Variants in BCL11A observed in about 807,000 individuals in gnomAD.
The protein encoded by BCL11A is BCL11 transcription factor A.
A neutral mutation model predicts 55.9 loss-of-function variants in BCL11A; 2 were observed. The ratio of observed to expected loss-of-function variants is 0.04; its 90% CI spans 0.01 to 0.11. The LOEUF (loss-of-function observed/expected upper bound fraction) is 0.11. BCL11A is among the 10% of genes least tolerant of loss of function. BCL11A has a pLI of 1.00. For missense variants in BCL11A, 817 were observed against 1,137.1 expected (o/e 0.72, Z 4.05); for synonymous variants, 465 against 473.4 (o/e 0.98, Z 0.23).
intron 2 of BCL11A, among the ~76,000 whole-genome samples, chr2:60,509,667 CA>C (rs1207257810): frequency 2.6e-5 from 4 of 152,092 alleles, no homozygotes; most frequent in Non-Finnish European, 4.4e-5. Context: ...GGAAAAAGAA[CA>C]AAAAGATTAG....
intron 1 of BCL11A, among the ~76,000 whole-genome samples, chr2:60,550,119 T>A (rs1670336831): frequency 6.6e-6 from 1 of 152,008 alleles, no homozygotes; most frequent in Non-Finnish European, 1.5e-5. Flanking sequence ...GGAGACCAAG[T>A]GCAAACTTGC....
Position 60,461,196 on chromosome 2 carries a change from G to T in BCL11A, c.1716C>A (p.Arg572=), listed in dbSNP as rs114252508. The T allele has an allele frequency of 6.2e-7, 1 of 1,612,390 alleles. No homozygotes were observed. ...GGCCCTCGGCCTCGGCCAGGTGGCCGCGCTTATGCTTCTCGCCCAGGACCT... is the reference window on the plus strand; with the variant it reads ...GGCCCTCGGCCTCGGCCAGGTGGCCTCGCTTATGCTTCTCGCCCAGGACCT... ...FHQVLGEKHK[R]GHLAEAEGHR... is the part of the protein sequence containing the mutation. Residue 572 remains arginine, a synonymous_variant, in exon 4 of 4, where the codon CGC becomes CGA. Coordinates refer to ENST00000642384, the MANE Select transcript of BCL11A (RefSeq NM_022893.4).
At chr2:60,518,490 A>T (rs1043254718) in intron 2 of BCL11A, among the ~76,000 whole-genome samples, 2 of 152,210 alleles carry the variant, frequency 1.3e-5, no homozygotes, top group African/African-American at 4.8e-5. Context: ...ATATGAATAA[A>T]GAGTGAGCAG....
At chr2:60,498,320 C>T (rs1380639776) in intron 2 of BCL11A, among the ~76,000 whole-genome samples, 2 of 151,926 alleles carry the variant, frequency 1.3e-5, no homozygotes, top group East Asian at 1.9e-4. Flanking sequence ...CCTTGGGGAC[C>T]GCTCACAGGA....
chr2:60,535,179 A>T (rs1413930192), intron 2 of BCL11A: 1 of 152,292 alleles, frequency 6.6e-6, no homozygotes, highest in Non-Finnish European at 1.5e-5. Flanking sequence ...AAAGCAATTT[A>T]GCCTTTGAAG....
Position 60,553,329 on chromosome 2 carries a change from C to G in BCL11A, c.-59G>C. On this transcript the variant is annotated 5_prime_UTR_variant, in exon 1 of 4. Transcript: ENST00000642384. ...CGGCGGCGGCGGGCGGACGACGGCT[C>G]GGTTCACATCGGGAGAGCCGGGTTA... 1 of 1,497,332 alleles carries G rather than the reference C, an allele frequency of 6.7e-7. No individual in the cohort carries two copies. Among genetic ancestry groups the G allele is most frequent in the Middle Eastern group, 2.0e-4 (1 of 4,904 alleles). The allele number at this position is 1,497,332 out of a possible 1,614,324, so 92.8% of individuals were successfully genotyped here. A position where few individuals can be genotyped will look rare whatever the true frequency, so the allele number is the denominator to read the frequency against.
At chr2:60,507,790 G>A (rs1379038067) in intron 2 of BCL11A, among the ~76,000 whole-genome samples, 1 of 152,092 alleles carries the variant, frequency 6.6e-6, no homozygotes, top group African/African-American at 2.4e-5. Flanking sequence ...GGGGAGAAGG[G>A]AAGAAGTAAA....
At chr2:60,538,650 T>C (rs1237494787) in intron 2 of BCL11A, 3 of 152,056 alleles carry the variant, frequency 2.0e-5, no homozygotes, top group Non-Finnish European at 2.9e-5. Context: ...CAGTTGAAAG[T>C]TGTTTTTTAA....
In BCL11A at chr2:60,457,657, CT is replaced by C; in HGVS notation, c.*2746del. Reference sequence around the variant, plus strand: ...ATTTAGTTTTTGGCAATGAAAAAAACTGCAAAACATTGGTTTTTTTTTTTTT... The same window carrying C: ...ATTTAGTTTTTGGCAATGAAAAAAACGCAAAACATTGGTTTTTTTTTTTTT... On this transcript the variant is annotated 3_prime_UTR_variant, in exon 4 of 4. Transcript: ENST00000642384. 3 of 1,034,532 alleles carry C rather than the reference CT, an allele frequency of 2.9e-6. No individual in the cohort carries two copies. The highest frequency in any genetic ancestry group is 3.5e-6 in the Non-Finnish European group (3 of 860,562). The allele number at this position is 1,034,532 out of a possible 1,614,324, so 64.1% of individuals were successfully genotyped here.
At chr2:60,452,696 GAA>G, downstream of BCL11A, 1 of 1,487,534 alleles carries the variant, frequency 6.7e-7, no homozygotes, top group Non-Finnish European at 9.3e-7. Context: ...AGAGGAGGGG[GAA>G]AAAAAAAGTA....
chr2:60,541,539 C>G (rs1488782657), intron 2 of BCL11A, among the ~76,000 whole-genome samples: 1 of 152,202 alleles, frequency 6.6e-6, no homozygotes, highest in African/African-American at 2.4e-5. Flanking sequence ...TCCAAGCTGC[C>G]AGTTCACAAC....
At chr2:60,523,667 A>G (rs554691580) in intron 2 of BCL11A, among the ~76,000 whole-genome samples, 2 of 151,730 alleles carry the variant, frequency 1.3e-5, no homozygotes, top group African/African-American at 2.4e-5. Context: ...TTTTTTTTCA[A>G]AAAGAGTTAA....
chr2:60,462,050 C>G lies in BCL11A; in HGVS notation c.862G>C (p.Ala288Pro). 6.2e-7 allele frequency: 1 copy of G among 1,602,406 alleles called. No individual in the cohort carries two copies. The highest frequency in any genetic ancestry group is 8.5e-7 in the Non-Finnish European group (1 of 1,174,418). Residue 288 changes from alanine to proline, a missense_variant, in exon 4 of 4, where the codon GCC becomes CCC. By Grantham distance (27) the Ala-to-Pro change is conservative. Transcript: ENST00000642384. ...GCACTCGGGTGATGGGTGGCCAGGG[C>G]CATCTCTTCCGCCCCCAGGCGCTCT... ...RIERLGAEEM[A>P]LATHHPSAFD...
intron 3 of BCL11A, among the ~76,000 whole-genome samples, chr2:60,467,678 GTGA>G (rs1255739386): frequency 3.1e-5 from 3 of 96,134 alleles, no homozygotes; most frequent in Non-Finnish European, 4.4e-5. Context: ...GGTGGTGATG[GTGA>G]TGGTGGTGGT....
Position 60,457,394 on chromosome 2 carries a change from TA to T in BCL11A, c.*3009del. 9.8e-7 allele frequency: 1 copy of T among 1,023,164 alleles called. No individual in the cohort carries two copies. Among genetic ancestry groups the T allele is most frequent in the East Asian group, 6.1e-5 (1 of 16,454 alleles). The allele number at this position is 1,023,164 out of a possible 1,614,324, so 63.4% of individuals were successfully genotyped here. ...AAAAAAAAATAAAAACAAAGAAAAA[TA>T]AAAGATCAAATTAAGTGCCTCTGTT... On this transcript the variant is annotated 3_prime_UTR_variant, in exon 4 of 4. Coordinates refer to ENST00000642384, the MANE Select transcript of BCL11A (RefSeq NM_022893.4).
chr2:60,504,608 T>C (rs1679470534), intron 2 of BCL11A, among the ~76,000 whole-genome samples: 1 of 152,198 alleles, frequency 6.6e-6, no homozygotes, highest in South Asian at 2.1e-4. Context: ...CAGCCAACTC[T>C]GTCTCTGTCT....
intron 1 of BCL11A, among the ~76,000 whole-genome samples, chr2:60,548,690 T>A (rs1426594996): frequency 2.0e-5 from 3 of 152,268 alleles, no homozygotes; most frequent in Non-Finnish European, 4.4e-5. Flanking sequence ...TATATTCTAA[T>A]GTATGAAATA....
At chr2:60,456,810 T>G (rs941280657), downstream of BCL11A, among the ~76,000 whole-genome samples, 2 of 152,070 alleles carry the variant, frequency 1.3e-5, no homozygotes, top group Non-Finnish European at 2.9e-5. Flanking sequence ...GATGGGAGAA[T>G]AGAAAAGAAC....
intron 1 of BCL11A, among the ~76,000 whole-genome samples, chr2:60,552,758 T>A (rs1313819906): frequency 2.0e-5 from 3 of 152,132 alleles, no homozygotes; most frequent in South Asian, 2.1e-4. Flanking sequence ...TTGTACTCAC[T>A]CCCTCCCTAC....
Sources: allele counts gnomAD v4.1 joint callset (sites outside exome capture counted in the v4.1 genomes callset), GRCh38; gene constraint gnomAD v4.1.1; transcripts MANE v1.5; gene names NCBI Gene and HGNC (gene_info 2026-07-23, HGNC 2026-07-21).